Variants in DNAH14 observed in about 807,000 individuals in gnomAD.
The protein encoded by DNAH14 is dynein axonemal heavy chain 14, also known as axonemal beta dynein heavy chain 14.
Under a neutral mutation model 520.9 loss-of-function variants are expected in DNAH14, and 478 were observed. That is an observed-to-expected ratio of 0.92 (90% confidence interval 0.85 to 0.99). The LOEUF (loss-of-function observed/expected upper bound fraction) is 0.99. Ranked by LOEUF, DNAH14 falls within the 50% of genes least tolerant of loss-of-function variation. The probability of loss-of-function intolerance (pLI) is 0.00; values close to 1 mark genes in which losing one functional copy is unlikely to be tolerated. For missense variants in DNAH14, 4,831 were observed against 5,234.5 expected (o/e 0.92, Z 2.38); for synonymous variants, 1,581 against 1,757.2 (o/e 0.90, Z 2.51).
chr1:225,347,284 T>C (rs2095300062), intron 71 of DNAH14, among the ~76,000 whole-genome samples: 1 of 152,214 alleles, frequency 6.6e-6, no homozygotes, highest in Non-Finnish European at 1.5e-5. Flanking sequence ...AGAATACCTC[T>C]GTGAGAACTC....
At chr1:225,371,669 A>T (rs2095620388) in intron 77 of DNAH14, among the ~76,000 whole-genome samples, 1 of 152,174 alleles carries the variant, frequency 6.6e-6, no homozygotes. Flanking sequence ...AGAAAACCTG[A>T]GATACTAGTA....
chr1:225,223,388 A>G (rs1219943954), intron 41 of DNAH14, among the ~76,000 whole-genome samples: 1 of 152,156 alleles, frequency 6.6e-6, no homozygotes, highest in African/African-American at 2.4e-5. Flanking sequence ...CCCCTGATGT[A>G]GCTCTCTCAA....
intron 23 of DNAH14, among the ~76,000 whole-genome samples, chr1:225,102,692 T>C (rs184974448): frequency 1.3e-5 from 2 of 152,232 alleles, no homozygotes; most frequent in Non-Finnish European, 2.9e-5. Flanking sequence ...TGTCTTCTTT[T>C]GAGAAGTGTC....
intron 64 of DNAH14, among the ~76,000 whole-genome samples, chr1:225,329,087 C>T (rs1038187189): frequency 2.0e-5 from 3 of 152,242 alleles, no homozygotes; most frequent in Middle Eastern, 3.4e-3. Flanking sequence ...GCTAAACTCT[C>T]AACTTAAAGG....
intron 8 of DNAH14, among the ~76,000 whole-genome samples, chr1:224,978,394 A>G (rs1015092140): frequency 2.0e-5 from 3 of 152,256 alleles, no homozygotes; most frequent in Admixed American, 1.3e-4. Flanking sequence ...GTTAAGTTAA[A>G]TAAGTCAGGC....
chr1:225,194,698 G>GA (rs1414964194), intron 38 of DNAH14, among the ~76,000 whole-genome samples: 10 of 151,918 alleles, frequency 6.6e-5, no homozygotes, highest in South Asian at 2.1e-4. Flanking sequence ...CTGCTGCACA[G>GA]AAAAAAAGGC....
chr1:225,341,942 G>T (rs555306989), intron 69 of DNAH14, among the ~76,000 whole-genome samples: 1 of 152,256 alleles, frequency 6.6e-6, no homozygotes, highest in South Asian at 2.1e-4. Flanking sequence ...ATCATCTGTA[G>T]AGTTTATTAC....
rs1474523378 is a variant in DNAH14 at position 225,300,934 on chromosome 1, T to C, written c.8535T>C (p.Asn2845=). 1.9e-6 allele frequency: 3 copies of C among 1,551,436 alleles called. No homozygotes were observed. In the Admixed American group the frequency reaches 5.9e-5, roughly 30 times the overall value. ...SSGRIPDLFE[N]VELDSIAMKI... is the part of the protein sequence containing the mutation. Reference sequence around the variant, plus strand: ...GAAGAATACCTGACCTGTTTGAAAATGTTGAGCTGGATTCTATTGCAATGA... The same window carrying C: ...GAAGAATACCTGACCTGTTTGAAAACGTTGAGCTGGATTCTATTGCAATGA... The change falls in exon 56 of 86, where the codon AAT becomes AAC. Residue 2845 remains asparagine (N), a synonymous_variant. Transcript: ENST00000682510.
chr1:225,156,164 T>C (rs1248567336), intron 34 of DNAH14, among the ~76,000 whole-genome samples: 1 of 152,174 alleles, frequency 6.6e-6, no homozygotes, highest in African/African-American at 2.4e-5. Flanking sequence ...CTTTTTTTTC[T>C]ACTTTCTCTT....
chr1:224,948,076 T>A (rs2059957906), intron 1 of DNAH14, among the ~76,000 whole-genome samples: 1 of 152,056 alleles, frequency 6.6e-6, no homozygotes, highest in Admixed American at 6.6e-5. Flanking sequence ...GTATCCTTAA[T>A]GTTTTCATTT....
chr1:225,331,526 C>T lies in DNAH14; in HGVS notation c.9813C>T (p.Ser3271=), dbSNP rs554875188. ...TAGCAAATCGGAAAACAATGGCCAG[C>T]AGGCGCTTTCAGTGTGCGTCAGTCT... ...QLLANRKTMA[S]RRFQCASVLL... The change falls in exon 65 of 86, where the codon AGC becomes AGT. Residue 3271 remains serine, a synonymous_variant. Coordinates refer to ENST00000682510, the MANE Select transcript of DNAH14 (RefSeq NM_001367479.1). 5 of 1,551,428 alleles carry T rather than the reference C, an allele frequency of 3.2e-6. No individual in the cohort carries two copies. The highest frequency in any genetic ancestry group is 3.9e-5 in the Admixed American group (2 of 50,964).
At position 224,960,008 on chromosome 1, in the gene DNAH14, A is replaced by C. The variant is rs2060744518; in HGVS notation, c.218-145A>C. 4 of 686,170 alleles carry C rather than the reference A, an allele frequency of 5.8e-6. No individual in the cohort carries two copies. The South Asian group carries it at 1.1e-4, about 20-fold the overall frequency. 42.5% of individuals were successfully genotyped at this position (686,170 alleles called of 1,614,324 possible). A position where few individuals can be genotyped will look rare whatever the true frequency, so the allele number is the denominator to read the frequency against. Reference sequence around the variant, plus strand: ...AAGCTTGTATATGAGCTTGGAACCCAGGCAGTGGGATTCAGCCTGTGCTCT... The same window carrying C: ...AAGCTTGTATATGAGCTTGGAACCCCGGCAGTGGGATTCAGCCTGTGCTCT... On this transcript the variant is annotated intron_variant, in intron 3 of 85. Coordinates refer to ENST00000682510, the MANE Select transcript of DNAH14 (RefSeq NM_001367479.1).
At chr1:225,364,960 C>A in intron 76 of DNAH14, 66 bp downstream of exon 76, 3 of 1,114,378 alleles carry the variant, frequency 2.7e-6, no homozygotes, top group Non-Finnish European at 2.5e-6. Flanking sequence ...AGTCATCTTA[C>A]ATTCAAAACT....
chr1:225,318,205 C>T (rs1452506941), intron 60 of DNAH14, among the ~76,000 whole-genome samples: 4 of 152,168 alleles, frequency 2.6e-5, no homozygotes, highest in Non-Finnish European at 5.9e-5. Context: ...CTTGCACAGC[C>T]TTGGAAGGGG....
At chr1:225,249,119 ACAG>A (rs2092436665) in intron 43 of DNAH14, among the ~76,000 whole-genome samples, 1 of 152,222 alleles carries the variant, frequency 6.6e-6, no homozygotes, top group Admixed American at 6.5e-5. Context: ...TCCTCAGTCC[ACAG>A]ACCTCAAACC....
At chr1:225,026,760 A>G (rs1228919957) in intron 11 of DNAH14, among the ~76,000 whole-genome samples, 6 of 152,108 alleles carry the variant, frequency 3.9e-5, no homozygotes, top group Non-Finnish European at 8.8e-5. Flanking sequence ...GCATTTTCAT[A>G]TGAATTTTAG....
intron 21 of DNAH14, among the ~76,000 whole-genome samples, chr1:225,085,997 T>C (rs576366492): frequency 1.9e-4 from 29 of 152,066 alleles, no homozygotes; most frequent in Non-Finnish European, 3.8e-4. Flanking sequence ...AAAGTTTAAT[T>C]TTGGCAGAAA....
chr1:225,290,643 G>GTATA (rs1334178874), intron 55 of DNAH14, among the ~76,000 whole-genome samples: 22 of 51,134 alleles, frequency 4.3e-4, no homozygotes, highest in Non-Finnish European at 5.1e-4. Flanking sequence ...GTGTGTGTGT[G>GTATA]TGTGTATATA....
intron 17 of DNAH14, among the ~76,000 whole-genome samples, chr1:225,058,637 G>A (rs1461443786): frequency 5.3e-5 from 8 of 152,002 alleles, no homozygotes; most frequent in African/African-American, 1.9e-4. Context: ...TGTCAATTTT[G>A]GATCTTTCCT....
Sources: gnomAD v4.1 joint callset for allele counts (sites outside exome capture counted in the v4.1 genomes callset) on GRCh38, gnomAD v4.1.1 for gene constraint, MANE v1.5 for transcripts, NCBI Gene and HGNC (gene_info 2026-07-23, HGNC 2026-07-21) for gene names.